Variants in STX12 observed in about 807,000 individuals in gnomAD.
The protein encoded by STX12 is syntaxin 12, also known as syntaxin-12.
A neutral mutation model predicts 42.2 loss-of-function variants in STX12; 17 were observed. The observed-to-expected ratio is 0.40, with a 90% CI of 0.28 to 0.60. STX12 has a LOEUF of 0.60. STX12 is among the 20% of genes least tolerant of loss of function. The pLI is 0.39. For missense variants in STX12, 297 were observed against 330.9 expected (o/e 0.90, Z 0.79); for synonymous variants, 108 against 116.7 (o/e 0.93, Z 0.48).
At position 27,773,268 on chromosome 1, in the gene STX12, A is replaced by C; in HGVS notation, c.-40A>C. 5.8e-6 allele frequency: 8 copies of C among 1,371,328 alleles called. No individual in the cohort carries two copies. The highest frequency in any genetic ancestry group is 7.1e-6 in the Non-Finnish European group (7 of 982,788). The allele number at this position is 1,371,328 out of a possible 1,614,324, so 84.9% of individuals were successfully genotyped here. On this transcript the variant is annotated 5_prime_UTR_variant, in exon 1 of 9. Coordinates refer to ENST00000373943, the MANE Select transcript of STX12 (RefSeq NM_177424.3). Reference sequence around the variant, plus strand: ...GTCCCGGCTGGCGGCTGCTTCCGGTAGGAGAGCGGTGTAGAGCGAGCAGGT... The same window carrying C: ...GTCCCGGCTGGCGGCTGCTTCCGGTCGGAGAGCGGTGTAGAGCGAGCAGGT...
intron 1 of STX12, among the ~76,000 whole-genome samples, chr1:27,780,273 G>C (rs1005553869): frequency 2.1e-5 from 3 of 146,332 alleles, no homozygotes; most frequent in Admixed American, 1.4e-4. Flanking sequence ...GCAGTGGGGC[G>C]ATCAGGCTCA....
chr1:27,808,092 G>T (rs2088876611), intron 4 of STX12, among the ~76,000 whole-genome samples: 1 of 151,976 alleles, frequency 6.6e-6, no homozygotes, highest in Admixed American at 6.6e-5. Flanking sequence ...ATTGGAGAAG[G>T]GCACATGAGT....
intron 4 of STX12, among the ~76,000 whole-genome samples, chr1:27,804,397 G>C (rs1325361160): frequency 6.6e-6 from 1 of 151,112 alleles, no homozygotes; most frequent in Non-Finnish European, 1.5e-5. Flanking sequence ...TTGCACTCCA[G>C]CCTGGGCAAA....
chr1:27,799,816 G>T (rs573257111), intron 3 of STX12, among the ~76,000 whole-genome samples: 1 of 152,098 alleles, frequency 6.6e-6, no homozygotes, highest in East Asian at 1.9e-4. Flanking sequence ...GCAATGGCAC[G>T]ATCTCAGCTC....
chr1:27,802,516 G>A (rs973590554), intron 4 of STX12, among the ~76,000 whole-genome samples: 2 of 152,174 alleles, frequency 1.3e-5, no homozygotes, highest in Non-Finnish European at 2.9e-5. Flanking sequence ...AGGAGGGCAG[G>A]AGGGAGGAGA....
chr1:27,774,863 G>A (rs996127179), intron 1 of STX12, among the ~76,000 whole-genome samples: 2 of 152,008 alleles, frequency 1.3e-5, no homozygotes, highest in South Asian at 2.1e-4. Flanking sequence ...TTGTAGGGAT[G>A]GGGTCTCACT....
At chr1:27,784,574 A>C (rs1182191060) in intron 1 of STX12, among the ~76,000 whole-genome samples, 1 of 152,162 alleles carries the variant, frequency 6.6e-6, no homozygotes, top group Non-Finnish European at 1.5e-5. Flanking sequence ...ATGTATCTGT[A>C]AACACGTTAT....
chr1:27,815,249 T>A (rs2088933486), intron 6 of STX12, among the ~76,000 whole-genome samples: 1 of 151,982 alleles, frequency 6.6e-6, no homozygotes, highest in Admixed American at 6.6e-5. Flanking sequence ...CAAAGTGGAG[T>A]GAGACATATG....
chr1:27,809,554 T>A (rs72478548), intron 4 of STX12, among the ~76,000 whole-genome samples: 25,676 of 148,758 alleles, frequency 0.17, 5,838 homozygotes, highest in African/African-American at 0.52. Context: ...TCCGCCTCCC[T>A]GATTCAATTC....
chr1:27,774,609 T>TGG (rs1299633272), intron 1 of STX12, among the ~76,000 whole-genome samples: 1 of 152,190 alleles, frequency 6.6e-6, no homozygotes, highest in Non-Finnish European at 1.5e-5. Flanking sequence ...TTCTCCCACT[T>TGG]TAGCCTCCCA....
chr1:27,798,841 C>A (rs1268759840), intron 3 of STX12, among the ~76,000 whole-genome samples: 1 of 147,144 alleles, frequency 6.8e-6, no homozygotes, highest in African/African-American at 2.5e-5. Flanking sequence ...GTAGTCCCAG[C>A]TACTCAGGTG....
rs567899856 is a variant in STX12 at position 27,793,444 on chromosome 1, C to T, written c.189-89C>T. Reference sequence around the variant, plus strand: ...TCTTCAAATGGCCCTTCATTCCCTACGTTATGAGACACTCTGAGAACAAAG... The same window carrying T: ...TCTTCAAATGGCCCTTCATTCCCTATGTTATGAGACACTCTGAGAACAAAG... On this transcript the variant is annotated intron_variant, in intron 2 of 8. Coordinates refer to ENST00000373943, the MANE Select transcript of STX12 (RefSeq NM_177424.3). 1.8e-4 allele frequency: 197 copies of T among 1,083,374 alleles called. 1 individual carries two copies. In the African/African-American group the frequency reaches 2.7e-3, roughly 15 times the overall value. 67.1% of individuals were successfully genotyped at this position (1,083,374 alleles called of 1,614,324 possible).
chr1:27,819,894 A>C lies in STX12; in HGVS notation c.732+162A>C, dbSNP rs558162440. 6 of 560,520 alleles carry C rather than the reference A, an allele frequency of 1.1e-5. No individual in the cohort carries two copies. In the African/African-American group the frequency reaches 1.1e-4, roughly 11 times the overall value. The allele number at this position is 560,520 out of a possible 1,614,324, so 34.7% of individuals were successfully genotyped here. ...TTCCATTTTTATTATTTTCCTTTGC[A>C]GATAGATCTACAAAAAATAATCACA... On this transcript the variant is annotated intron_variant, in intron 8 of 8. Transcript: ENST00000373943.
intron 3 of STX12, among the ~76,000 whole-genome samples, chr1:27,798,451 C>A (rs988641139): frequency 2.6e-5 from 4 of 151,718 alleles, no homozygotes; most frequent in African/African-American, 9.7e-5. Context: ...TTGAGACCAG[C>A]CTGACCAACA....
intron 7 of STX12, among the ~76,000 whole-genome samples, chr1:27,818,627 G>C (rs576982426): frequency 3.0e-4 from 45 of 151,288 alleles, no homozygotes; most frequent in Non-Finnish European, 6.3e-4. Context: ...TATGGGGTTA[G>C]TAACCCTTTT....
chr1:27,824,304 A>G lies in STX12; in HGVS notation c.*1975A>G, dbSNP rs550483977. ...TAAAGTGACCATGCTTTTGTTCTGT[A>G]ATACTGTGTGACCTGTGGTTGTTGT... On this transcript the variant is annotated 3_prime_UTR_variant, in exon 9 of 9. Coordinates refer to ENST00000373943, the MANE Select transcript of STX12 (RefSeq NM_177424.3). 1 of 152,350 alleles carries G rather than the reference A, an allele frequency of 6.6e-6. No homozygotes were observed. The highest frequency in any genetic ancestry group is 6.5e-5 in the Admixed American group (1 of 15,298). 9.4% of individuals were successfully genotyped at this position (152,350 alleles called of 1,614,324 possible).
At chr1:27,818,012 G>C in intron 7 of STX12, 89 bp downstream of exon 7, 1 of 1,123,766 alleles carries the variant, frequency 8.9e-7, no homozygotes, top group Non-Finnish European at 1.3e-6. Flanking sequence ...GGCTGAGGCT[G>C]AAGCACCATC....
At chr1:27,789,729 GA>G in intron 2 of STX12, 98 bp downstream of exon 2, 1 of 858,020 alleles carries the variant, frequency 1.2e-6, no homozygotes, top group Non-Finnish European at 1.9e-6. Context: ...TGGGAAGTCA[GA>G]ATGAGAGGCA....
At chr1:27,779,268 C>T (rs975312248) in intron 1 of STX12, among the ~76,000 whole-genome samples, 1 of 152,024 alleles carries the variant, frequency 6.6e-6, no homozygotes, top group South Asian at 2.1e-4. Flanking sequence ...TTATACTGCT[C>T]ACTTCCTCAA....
Sources: gnomAD v4.1 joint callset for allele counts (sites outside exome capture counted in the v4.1 genomes callset) on GRCh38, gnomAD v4.1.1 for gene constraint, MANE v1.5 for transcripts, NCBI Gene and HGNC (gene_info 2026-07-23, HGNC 2026-07-21) for gene names.